Variants in ESR1 observed in about 807,000 individuals in gnomAD.
ESR1 encodes estrogen receptor 1, also known as estrogen receptor.
Under a neutral mutation model 52.7 loss-of-function variants are expected in ESR1, and 12 were observed. The observed-to-expected ratio is 0.23, with a 90% confidence interval of 0.15 to 0.37. The LOEUF is 0.37. Ranked by LOEUF, ESR1 falls within the 10% of genes least tolerant of loss-of-function variation. The probability of loss-of-function intolerance (pLI) is 1.00; values close to 1 mark genes in which losing one functional copy is unlikely to be tolerated. For synonymous variants in ESR1, 305 were observed against 316.8 expected (o/e 0.96, Z 0.39); for missense variants, 584 against 779.7 (o/e 0.75, Z 2.99).
chr6:151,924,025 T>A (rs2032213270), intron 3 of ESR1, among the ~76,000 whole-genome samples: 1 of 152,126 alleles, frequency 6.6e-6, no homozygotes, highest in African/African-American at 2.4e-5. Context: ...TGTAGTAGTG[T>A]TTGATTGTTT....
intron 2 of ESR1, among the ~76,000 whole-genome samples, chr6:151,868,717 A>G (rs754125342): frequency 3.3e-5 from 5 of 152,016 alleles, no homozygotes; most frequent in East Asian, 1.9e-4. Flanking sequence ...CTGATGGGCA[A>G]TTGGGTTGAT....
chr6:152,014,101 G>A (rs12663193), intron 5 of ESR1, among the ~76,000 whole-genome samples: 25,757 of 151,958 alleles, frequency 0.17, 2,611 homozygotes, highest in East Asian at 0.33. Context: ...TCTCTTCCCC[G>A]TTGCCATGAA....
rs576988012 is a variant in ESR1 at position 151,847,289 on chromosome 6, G to C, written c.643+4502G>C. ...GATAGCTCCTTTAACAGCTGTGGCC[G>C]GTAAGCAGGCACTTATTTGCTAAAG... is the stretch of plus-strand genomic sequence containing the variant. On this transcript the variant is annotated intron_variant, in intron 2 of 7. Coordinates refer to ENST00000206249, the MANE Select transcript of ESR1 (RefSeq NM_000125.4). Among the ~76,000 whole-genome samples, 10 of 152,272 alleles carry C rather than the reference G, an allele frequency of 6.6e-5. No homozygotes were observed. In the South Asian group the frequency reaches 2.1e-3, roughly 32 times the overall value.
At chr6:151,702,770 C>A (rs1468006847) in intron 2 of ESR1, among the ~76,000 whole-genome samples, 1 of 152,140 alleles carries the variant, frequency 6.6e-6, no homozygotes, top group African/African-American at 2.4e-5. Flanking sequence ...CTCATTTCCT[C>A]CATAGAACAT....
intron 3 of ESR1, among the ~76,000 whole-genome samples, chr6:151,907,213 A>G (rs1438594714): frequency 2.0e-5 from 3 of 152,068 alleles, no homozygotes; most frequent in South Asian, 2.1e-4. Flanking sequence ...TTGGCTATTT[A>G]TGGCTACTTT....
chr6:151,719,965 A>G (rs1781343379), intron 2 of ESR1, among the ~76,000 whole-genome samples: 1 of 152,212 alleles, frequency 6.6e-6, no homozygotes, highest in Non-Finnish European at 1.5e-5. Flanking sequence ...GTTTAGAAAC[A>G]TGATTCAACT....
At chr6:151,995,315 GTCTA>G (rs150836637) in intron 4 of ESR1, among the ~76,000 whole-genome samples, 63 of 152,168 alleles carry the variant, frequency 4.1e-4, no homozygotes, top group African/African-American at 1.5e-3. Context: ...CTGTCCATCA[GTCTA>G]TCTGTCCATC....
intron 1 of ESR1, among the ~76,000 whole-genome samples, chr6:151,658,273 T>G (rs1173183435): frequency 6.6e-6 from 1 of 152,240 alleles, no homozygotes; most frequent in African/African-American, 2.4e-5. Flanking sequence ...CAGGTTAGTT[T>G]GACCTTTTCC....
intron 6 of ESR1, among the ~76,000 whole-genome samples, chr6:152,110,915 G>A (rs1329544607): frequency 3.3e-5 from 5 of 152,130 alleles, no homozygotes; most frequent in African/African-American, 1.2e-4. Flanking sequence ...CATCTTCCTG[G>A]CACCTGGGGG....
At chr6:151,855,953 A>G (rs1787752836) in intron 2 of ESR1, among the ~76,000 whole-genome samples, 1 of 152,174 alleles carries the variant, frequency 6.6e-6, no homozygotes, top group Admixed American at 6.6e-5. Context: ...ATAACTGTGT[A>G]TTTTTATGGC....
At chr6:151,971,722 G>A (rs3020321) in intron 4 of ESR1, among the ~76,000 whole-genome samples, 118,501 of 151,990 alleles carry the variant, frequency 0.78, 46,637 homozygotes, top group Middle Eastern at 0.88. Context: ...GCACAAATAG[G>A]CAATCTAAGG....
intron 1 of ESR1, among the ~76,000 whole-genome samples, chr6:151,661,546 T>A (rs58374672): frequency 0.054 from 8,269 of 152,276 alleles, 724 homozygotes; most frequent in East Asian, 0.41. Context: ...CAAAATAATT[T>A]TTCCCAGCAC....
chr6:152,052,930 G>A (rs1291356237), intron 5 of ESR1, among the ~76,000 whole-genome samples: 1 of 152,170 alleles, frequency 6.6e-6, no homozygotes, highest in African/African-American at 2.4e-5. Context: ...ACATTGCTAA[G>A]GAGTTTGTGC....
In ESR1 at chr6:151,808,210, C is replaced by T; in HGVS notation, c.298C>T (p.Leu100Phe). 1.9e-6 allele frequency: 3 copies of T among 1,573,116 alleles called. No individual in the cohort carries two copies. Among genetic ancestry groups the T allele is most frequent in the Non-Finnish European group, 2.6e-6 (3 of 1,159,392 alleles). ...CAACGGCCTGGGGGGTTTCCCCCCACTCAACAGCGTGTCTCCGAGCCCGCT... is the reference window on the plus strand; with the variant it reads ...CAACGGCCTGGGGGGTTTCCCCCCATTCAACAGCGTGTCTCCGAGCCCGCT... ...GSNGLGGFPP[L>F]NSVSPSPLML... Residue 100 changes from leucine (L) to phenylalanine (F), a missense_variant, in exon 1 of 8, where the codon CTC becomes TTC. This residue lies in a region of ESR1 where 251 missense variants were observed against 246.1 expected (regional missense o/e 1.02). Coordinates refer to ENST00000206249, the MANE Select transcript of ESR1 (RefSeq NM_000125.4).
At chr6:151,677,524 C>G (rs974873232) in intron 1 of ESR1, among the ~76,000 whole-genome samples, 1 of 152,100 alleles carries the variant, frequency 6.6e-6, no homozygotes, top group Non-Finnish European at 1.5e-5. Flanking sequence ...AAACATCCAC[C>G]CAGTAGTATT....
intron 2 of ESR1, among the ~76,000 whole-genome samples, chr6:151,717,063 C>T (rs375616252): frequency 6.6e-6 from 1 of 152,270 alleles, no homozygotes; most frequent in East Asian, 1.9e-4. Flanking sequence ...CAGGAGTGCA[C>T]CGTTCCTTAG....
intron 1 of ESR1, among the ~76,000 whole-genome samples, chr6:151,668,205 A>T (rs977632211): frequency 6.6e-6 from 1 of 152,206 alleles, no homozygotes; most frequent in African/African-American, 2.4e-5. Context: ...TGCTTCATGC[A>T]TGGTGCCTCC....
At chr6:152,114,375 C>G (rs1720897238) in intron 6 of ESR1, among the ~76,000 whole-genome samples, 1 of 152,088 alleles carries the variant, frequency 6.6e-6, no homozygotes, top group Admixed American at 6.6e-5. Flanking sequence ...ATGTAGGTCT[C>G]ATTTGGACAT....
At chr6:151,785,889 G>A (rs985346190) in intron 2 of ESR1, among the ~76,000 whole-genome samples, 11 of 152,320 alleles carry the variant, frequency 7.2e-5, no homozygotes, top group African/African-American at 2.6e-4. Flanking sequence ...GAGTGTGAAG[G>A]AGGGGTTAAT....
Sources: allele counts gnomAD v4.1 joint callset (sites outside exome capture counted in the v4.1 genomes callset), GRCh38; gene constraint gnomAD v4.1.1; regional missense constraint gnomAD v4.1.1; transcripts MANE v1.5; gene names NCBI Gene and HGNC (gene_info 2026-07-23, HGNC 2026-07-21).